Variants in LRRC37A2 observed in about 807,000 individuals in gnomAD.
LRRC37A2 encodes the protein leucine rich repeat containing 37 member A2, also known as leucine-rich repeat-containing protein 37A2.
In LRRC37A2, 9 loss-of-function variants were observed where a neutral mutation model predicts 68.8. The observed-to-expected ratio is 0.13, with a 90% CI of 0.08 to 0.23. The LOEUF is 0.23. LRRC37A2 is among the 10% of genes least tolerant of loss of function. The pLI is 1.00. For synonymous variants in LRRC37A2, 63 were observed against 367.6 expected (o/e 0.17, Z 9.48); for missense variants, 168 against 950.4 (o/e 0.18, Z 10.82).
chr17:46,769,522 G>T, the LRRC37A2 span, among the ~76,000 whole-genome samples: 1 of 152,154 alleles, frequency 6.6e-6, no homozygotes, highest in Non-Finnish European at 1.5e-5. Flanking sequence ...TGGGTGGTGG[G>T]TGGCACCTGA....
the LRRC37A2 span, among the ~76,000 whole-genome samples, chr17:46,827,209 T>C: frequency 2.0e-5 from 3 of 152,166 alleles, no homozygotes; most frequent in African/African-American, 7.2e-5. Flanking sequence ...TCCCCTACCT[T>C]GCTCAGAGGT....
At chr17:46,946,639 G>A in the LRRC37A2 span, among the ~76,000 whole-genome samples, 1 of 152,132 alleles carries the variant, frequency 6.6e-6, no homozygotes, top group Non-Finnish European at 1.5e-5. Context: ...AAAGCAGGTG[G>A]ATTATCTGAG....
At chr17:46,876,592 CGGGCG>C in the LRRC37A2 span, 1 of 1,613,256 alleles carries the variant, frequency 6.2e-7, no homozygotes, top group Non-Finnish European at 8.5e-7. Context: ...GCCTGTGCTG[CGGGCG>C]GGGCTATGAC....
chr17:46,991,844 T>C, the LRRC37A2 span, among the ~76,000 whole-genome samples: 1 of 152,234 alleles, frequency 6.6e-6, no homozygotes, highest in Admixed American at 6.5e-5. Flanking sequence ...GTACACATGA[T>C]CTGTGGCTGC....
At chr17:46,661,410 T>TATTATTATTATTATTATTA in the LRRC37A2 span, among the ~76,000 whole-genome samples, 3 of 102,176 alleles carry the variant, frequency 2.9e-5, no homozygotes, top group African/African-American at 1.2e-4. Flanking sequence ...TTATTATTAT[T>TATTATTATTATTATTATTA]TTTGAGATGG....
the LRRC37A2 span, among the ~76,000 whole-genome samples, chr17:46,724,717 C>T: frequency 2.0e-5 from 3 of 152,186 alleles, no homozygotes; most frequent in Admixed American, 6.5e-5. Context: ...TATTTATTAT[C>T]CTCTGCAGTG....
chr17:46,782,513 G>T, the LRRC37A2 span, among the ~76,000 whole-genome samples: 2,208 of 152,334 alleles, frequency 0.014, 53 homozygotes, highest in African/African-American at 0.051. Context: ...GGAAAGGAAA[G>T]GTTTGAGGAA....
At chr17:46,893,938 A>G in the LRRC37A2 span, among the ~76,000 whole-genome samples, 1 of 152,280 alleles carries the variant, frequency 6.6e-6, no homozygotes, top group Non-Finnish European at 1.5e-5. Context: ...AGACACAAAC[A>G]GTGATGCTGA....
chr17:46,920,579 T>C, the LRRC37A2 span, among the ~76,000 whole-genome samples: 2 of 152,142 alleles, frequency 1.3e-5, no homozygotes, highest in Non-Finnish European at 2.9e-5. Context: ...GTAGATAAGC[T>C]TGGAGGATGG....
chr17:46,499,281 C>T, the LRRC37A2 span, among the ~76,000 whole-genome samples: 1 of 114,012 alleles, frequency 8.8e-6, no homozygotes, highest in Non-Finnish European at 1.6e-5. Flanking sequence ...CACTGCACTC[C>T]AGCCTGGTCG....
At chr17:46,795,104 C>G in the LRRC37A2 span, among the ~76,000 whole-genome samples, 8 of 152,100 alleles carry the variant, frequency 5.3e-5, no homozygotes, top group Admixed American at 5.2e-4. Flanking sequence ...GCTTACCTCA[C>G]CTGTGTCCCT....
At chr17:47,042,148 CTAAT>C in the LRRC37A2 span, 1 of 143,342 alleles carries the variant, frequency 7.0e-6, no homozygotes, top group Non-Finnish European at 1.6e-5. Context: ...CGACCACAGA[CTAAT>C]TAACTATTTA....
At chr17:46,996,746 A>T in the LRRC37A2 span, among the ~76,000 whole-genome samples, 1 of 152,258 alleles carries the variant, frequency 6.6e-6, no homozygotes, top group African/African-American at 2.4e-5. Flanking sequence ...CCTGGCCTCA[A>T]GCAAGCCTCC....
chr17:46,849,886 T>G, the LRRC37A2 span, among the ~76,000 whole-genome samples: 1 of 151,860 alleles, frequency 6.6e-6, no homozygotes, highest in African/African-American at 2.4e-5. Flanking sequence ...CCCATTCTAT[T>G]GCCCAGGCCA....
the LRRC37A2 span, among the ~76,000 whole-genome samples, chr17:46,662,749 ATCCTAT>A: frequency 7.4e-6 from 1 of 135,212 alleles, no homozygotes; most frequent in African/African-American, 2.7e-5. Context: ...GCCCTTTACC[ATCCTAT>A]TCACGTTTCT....
chr17:47,000,101 TAAAATAAAATA>T, the LRRC37A2 span, among the ~76,000 whole-genome samples: 1 of 131,908 alleles, frequency 7.6e-6, no homozygotes, highest in Non-Finnish European at 1.6e-5. Flanking sequence ...TAAAATAAAA[TAAAATAAAATA>T]AAATAAAATA....
the LRRC37A2 span, chr17:46,722,061 G>A: frequency 6.2e-7 from 1 of 1,610,278 alleles, no homozygotes; most frequent in Non-Finnish European, 8.5e-7. Flanking sequence ...TGAGCCTTGA[G>A]GTCCGAGTTC....
At chr17:47,035,122 G>A in the LRRC37A2 span, 3 of 152,150 alleles carry the variant, frequency 2.0e-5, no homozygotes, top group Non-Finnish European at 2.9e-5. Context: ...CTGGCACCTG[G>A]TGTTCTATAC....
the LRRC37A2 span, among the ~76,000 whole-genome samples, chr17:46,804,276 C>A: frequency 6.6e-6 from 1 of 151,890 alleles, no homozygotes; most frequent in Non-Finnish European, 1.5e-5. Flanking sequence ...TTAGTAGAGA[C>A]GGGGTTTCAG....
Sources: gnomAD v4.1 joint callset for allele counts (sites outside exome capture counted in the v4.1 genomes callset) on GRCh38, gnomAD v4.1.1 for gene constraint, MANE v1.5 for transcripts, NCBI Gene and HGNC (gene_info 2026-07-23, HGNC 2026-07-21) for gene names.